Variants in MSANTD1 observed in about 807,000 individuals in gnomAD.
MSANTD1 encodes myb/SANT-like DNA-binding domain-containing protein 1.
MSANTD1 carries 7 observed loss-of-function variants against 24.2 expected under a neutral mutation model. The observed-to-expected ratio is 0.29, with a 90% confidence interval of 0.16 to 0.54. The LOEUF (loss-of-function observed/expected upper bound fraction) is 0.54, where lower values mean the gene tolerates loss of function less well. Ranked by LOEUF, MSANTD1 falls within the 20% of genes least tolerant of loss-of-function variation. The pLI is 0.94. For synonymous variants in MSANTD1, 177 were observed against 181.1 expected, an observed-to-expected ratio of 0.98 and a Z score of 0.18; for missense variants, 384 against 408.2, an observed-to-expected ratio of 0.94 and a Z score of 0.51.
rs921891304 is a variant in MSANTD1 at position 3,249,263 on chromosome 4, T to G, written c.41T>G (p.Leu14Arg). 13 of 1,486,294 alleles carry G rather than the reference T, an allele frequency of 8.7e-6. No homozygotes were observed. The highest frequency in any genetic ancestry group is 2.8e-5 in the African/African-American group (2 of 71,262). 92.1% of individuals were successfully genotyped at this position (1,486,294 alleles called of 1,614,324 possible). ...GGGCCGGGGCCCTCGCTGAGCGCGCTCTCTCACCCCACAGGCGCCTCCGGC... is the reference window on the plus strand; with the variant it reads ...GGGCCGGGGCCCTCGCTGAGCGCGCGCTCTCACCCCACAGGCGCCTCCGGC... ...GAGPGPSLSA[L>R]SHPTGASGMA... Residue 14 changes from leucine to arginine, a missense_variant, in exon 1 of 3, where the codon CTC (leucine) becomes CGC (arginine). Physicochemically the swap from Leu to Arg is moderately radical, Grantham distance 102. Coordinates refer to ENST00000438480, the MANE Select transcript of MSANTD1 (RefSeq NM_001042690.2).
intron 1 of MSANTD1, among the ~76,000 whole-genome samples, chr4:3,250,587 G>A (rs1217144307): frequency 6.6e-6 from 1 of 152,208 alleles, no homozygotes; most frequent in Non-Finnish European, 1.5e-5. Flanking sequence ...CTTGCACGGA[G>A]CGAGGGTGGC....
chr4:3,253,128 C>T (rs553912532), intron 1 of MSANTD1, 79 bp from the exon 2 acceptor site: 6 of 1,398,152 alleles, frequency 4.3e-6, no homozygotes, highest in East Asian at 5.4e-5. Flanking sequence ...GCGTGGCGCG[C>T]CCCTCTGCTG....
upstream of MSANTD1, chr4:3,246,449 T>C (rs925959932): frequency 1.6e-5 from 7 of 433,728 alleles, no homozygotes; most frequent in Non-Finnish European, 2.4e-5. Context: ...GAGAGTCTAG[T>C]TGGGCCCAGC....
At chr4:3,252,866 C>T (rs527843045) in intron 1 of MSANTD1, among the ~76,000 whole-genome samples, 1 of 152,316 alleles carries the variant, frequency 6.6e-6, no homozygotes, top group East Asian at 1.9e-4. Context: ...ATTTAAAAAG[C>T]AGTATTTGCT....
In MSANTD1 at chr4:3,253,808, C is replaced by T. The variant is rs139146182; in HGVS notation, c.596+326C>T. 3.1e-3 allele frequency among the ~76,000 whole-genome samples: 465 copies of T among 152,298 alleles called. 3 individuals are homozygous for T. The highest frequency in any genetic ancestry group is 0.017 in the Middle Eastern group (5 of 294). ...GCTGGGAGCATCACAGGAGAGAAGA[C>T]GCAGCATGGGGCCCGGCACACGGAG... On this transcript the variant is annotated intron_variant, in intron 2 of 2. Transcript: ENST00000438480.
chr4:3,250,589 G>A lies in MSANTD1; in HGVS notation c.320+1047G>A, dbSNP rs528162294. 4.6e-5 allele frequency among the ~76,000 whole-genome samples: 7 copies of A among 152,306 alleles called. No individual in the cohort carries two copies. In the South Asian group the frequency reaches 8.3e-4, roughly 18 times the overall value. ...GTGTGGGGAGGGTCTTGCACGGAGC[G>A]AGGGTGGCAGCAAGAGCTGGAAGCT... is the stretch of plus-strand genomic sequence containing the variant. On this transcript the variant is annotated intron_variant, in intron 1 of 2. Transcript: ENST00000438480.
At chr4:3,245,980 C>T (rs898187829), upstream of MSANTD1, among the ~76,000 whole-genome samples, 23 of 152,168 alleles carry the variant, frequency 1.5e-4, no homozygotes, top group African/African-American at 5.5e-4. Context: ...CCCCTGCCCT[C>T]CATGCTTGGT....
Position 3,249,926 on chromosome 4 carries a change from C to G in MSANTD1, c.320+384C>G, listed in dbSNP as rs371282594. Among the ~76,000 whole-genome samples the G allele has an allele frequency of 2.6e-5, 4 of 152,218 alleles. No homozygotes were observed. The East Asian group carries it at 7.7e-4, about 29-fold the overall frequency. On this transcript the variant is annotated intron_variant, in intron 1 of 2. Transcript: ENST00000438480. ...CCACTGACCTCACACCCTGCTCCCC[C>G]ATAGGGAGGCGGCGGCTGCCAGTGC...
chr4:3,252,082 G>C (rs1236497745), intron 1 of MSANTD1, among the ~76,000 whole-genome samples: 2 of 152,262 alleles, frequency 1.3e-5, no homozygotes, highest in South Asian at 2.1e-4. Flanking sequence ...GAGTAGGAGA[G>C]AGGAGACACC....
At chr4:3,255,233 CTT>C (rs555315961) in intron 2 of MSANTD1, among the ~76,000 whole-genome samples, 17 of 143,740 alleles carry the variant, frequency 1.2e-4, no homozygotes, top group Admixed American at 2.1e-4. Context: ...CTTTCTTTTT[CTT>C]TTTTTTTTTT....
At chr4:3,255,227 CTTTT>C (rs1288742668) in intron 2 of MSANTD1, among the ~76,000 whole-genome samples, 338 of 151,042 alleles carry the variant, frequency 2.2e-3, no homozygotes, top group African/African-American at 7.9e-3. Flanking sequence ...CTCTTTCTTT[CTTTT>C]TCTTTTTTTT....
upstream of MSANTD1, chr4:3,249,056 G>T (rs1722125176): frequency 1.8e-6 from 1 of 548,434 alleles, no homozygotes; most frequent in Non-Finnish European, 2.9e-6. Context: ...TCAGTTAAAA[G>T]GTTTCTGTTG....
upstream of MSANTD1, among the ~76,000 whole-genome samples, chr4:3,245,706 C>G (rs1320900570): frequency 6.6e-6 from 1 of 152,208 alleles, no homozygotes; most frequent in African/African-American, 2.4e-5. Context: ...TTGCGGGTCC[C>G]CCAGGCTCTG....
chr4:3,255,279 A>G (rs1416649987), intron 2 of MSANTD1, among the ~76,000 whole-genome samples: 5 of 149,354 alleles, frequency 3.3e-5, no homozygotes, highest in Non-Finnish European at 7.4e-5. Context: ...TGCAGAGAGC[A>G]GTGGCGCGAT....
In MSANTD1 at chr4:3,249,519, C is replaced by T. The variant is rs1283781214; in HGVS notation, c.297C>T (p.Ile99=). The T allele has an allele frequency of 6.2e-7, 1 of 1,611,604 alleles. No individual in the cohort carries two copies. The highest frequency in any genetic ancestry group is 1.1e-5 in the South Asian group (1 of 90,684). ...TGGGCGAGGAGATCAAGATCAAGAT[C>T]ACCAACATGACCTTCCAGTACAGGT... The part of the protein sequence containing the change: ...RRLGEEIKIK[I]TNMTFQYRKL... The change falls in exon 1 of 3, where the codon ATC becomes ATT. Residue 99 remains isoleucine (I), a synonymous_variant. Transcript: ENST00000438480.
At chr4:3,248,370 A>G (rs1169716554), upstream of MSANTD1, 1 of 152,608 alleles carries the variant, frequency 6.6e-6, no homozygotes, top group Non-Finnish European at 1.5e-5. Context: ...CTGCGTACCC[A>G]GACTGTGCCC....
In MSANTD1 at chr4:3,255,831, C is replaced by G. The variant is rs774382079; in HGVS notation, c.703C>G (p.Arg235Gly). 5 of 1,545,572 alleles carry G rather than the reference C, an allele frequency of 3.2e-6. No individual in the cohort carries two copies. The highest frequency in any genetic ancestry group is 2.0e-5 in the Admixed American group (1 of 50,974). ...GGTGGAGGAGCAGCGCCGGCTGAGC[C>G]GCGCCGTGGAGGAGACCTGCCGCGA... ...AMVEEQRRLS[R>G]AVEETCREVR... is the part of the protein sequence containing the mutation. Residue 235 changes from arginine (R) to glycine (G), a missense_variant, in exon 3 of 3, where the codon CGC (arginine) becomes GGC (glycine). Physicochemically the swap from Arg to Gly is moderately radical, Grantham distance 125. Transcript: ENST00000438480.
upstream of MSANTD1, chr4:3,247,692 C>T (rs1722072381): frequency 6.6e-6 from 1 of 152,406 alleles, no homozygotes; most frequent in Non-Finnish European, 1.5e-5. Context: ...ACCAGGGACC[C>T]AGTGTAGGGG....
At chr4:3,251,896 G>A (rs1259548240) in intron 1 of MSANTD1, among the ~76,000 whole-genome samples, 1 of 152,170 alleles carries the variant, frequency 6.6e-6, no homozygotes, top group Non-Finnish European at 1.5e-5. Flanking sequence ...AGAGGTTAGG[G>A]ATGGGCACCC....
Sources: allele counts gnomAD v4.1 joint callset (sites outside exome capture counted in the v4.1 genomes callset), GRCh38; gene constraint gnomAD v4.1.1; transcripts MANE v1.5; gene names NCBI Gene and HGNC (gene_info 2026-07-23, HGNC 2026-07-21).